The following SLCO3A1 variants were observed in gnomAD, a reference collection of about 807,000 sequenced individuals.
SLCO3A1 encodes the protein PGE1 transporter.
SLCO3A1 carries 27 observed loss-of-function variants against 63.1 expected under a neutral mutation model. The observed-to-expected ratio is 0.43, with a 90% confidence interval of 0.32 to 0.59. The LOEUF (loss-of-function observed/expected upper bound fraction) is 0.59, where lower values mean the gene tolerates loss of function less well. SLCO3A1 is among the 20% of genes least tolerant of loss of function. SLCO3A1 has a pLI of 0.09. For synonymous variants in SLCO3A1, 473 were observed against 409.9 expected (o/e 1.15, Z -1.86); for missense variants, 773 against 945.8 (o/e 0.82, Z 2.40).
intron 2 of SLCO3A1, among the ~76,000 whole-genome samples, chr15:92,040,741 A>G (rs2046787334): frequency 6.6e-6 from 1 of 152,138 alleles, no homozygotes; most frequent in Non-Finnish European, 1.5e-5. Flanking sequence ...GGGTCAGGTG[A>G]GGTGGTTCTG....
chr15:92,171,783 C>A, exon 11 of SLCO3A1: 1 of 1,550,396 alleles, frequency 6.4e-7, no homozygotes, highest in East Asian at 2.4e-5. Flanking sequence ...CCTTTAGGCA[C>A]AGAGTACCAA....
chr15:92,162,572 T>G, intron 9 of SLCO3A1, 184 bp from the exon 10 acceptor site: 1 of 944,498 alleles, frequency 1.1e-6, no homozygotes, highest in Non-Finnish European at 1.5e-6. Flanking sequence ...TGCTCAGATT[T>G]GTACCATAAT....
At chr15:92,136,658 T>G (rs527650762) in intron 7 of SLCO3A1, among the ~76,000 whole-genome samples, 1 of 152,366 alleles carries the variant, frequency 6.6e-6, no homozygotes, top group African/African-American at 2.4e-5. Context: ...TTTTCCATTT[T>G]GAATACATTT....
intron 2 of SLCO3A1, among the ~76,000 whole-genome samples, chr15:92,052,989 C>T (rs903980301): frequency 1.3e-5 from 2 of 152,072 alleles, no homozygotes; most frequent in African/African-American, 4.8e-5. Flanking sequence ...CTGGACAGTG[C>T]GGCTCTAGAA....
chr15:92,070,188 T>G (rs1291605880), intron 2 of SLCO3A1, among the ~76,000 whole-genome samples: 2 of 152,198 alleles, frequency 1.3e-5, no homozygotes. Context: ...GCTTTCAAAA[T>G]GGGTTTGATG....
rs116336066 is a variant in SLCO3A1 at position 91,997,902 on chromosome 15, G to A, written c.646+81444G>A. ...TTAAATGTAGGAGCTCAAACTATAA[G>A]AATCCTAGGGAAAGAAACCTAGGAA... is the stretch of plus-strand genomic sequence containing the variant. On this transcript the variant is annotated intron_variant, in intron 2 of 9. Coordinates refer to ENST00000318445, the MANE Select transcript of SLCO3A1 (RefSeq NM_013272.4). 5.3e-3 allele frequency among the ~76,000 whole-genome samples: 805 copies of A among 152,214 alleles called. 6 individuals carry two copies. The highest frequency in any genetic ancestry group is 0.018 in the African/African-American group (767 of 41,546).
chr15:91,986,967 G>A (rs1242404285), intron 2 of SLCO3A1, among the ~76,000 whole-genome samples: 1 of 152,150 alleles, frequency 6.6e-6, no homozygotes, highest in African/African-American at 2.4e-5. Context: ...GGTTGGTGGT[G>A]GCCATGGTCA....
chr15:92,093,487 T>C (rs1255303360), intron 2 of SLCO3A1, among the ~76,000 whole-genome samples: 2 of 152,324 alleles, frequency 1.3e-5, no homozygotes, highest in African/African-American at 4.8e-5. Context: ...TATTATGGAT[T>C]ACACTTCAAC....
At chr15:92,093,112 G>A (rs1295872290) in intron 2 of SLCO3A1, among the ~76,000 whole-genome samples, 4 of 152,220 alleles carry the variant, frequency 2.6e-5, no homozygotes, top group Non-Finnish European at 1.5e-5. Context: ...GTTCCCGTGT[G>A]TAAATGTGTG....
chr15:92,042,678 G>A (rs933930832), intron 2 of SLCO3A1, among the ~76,000 whole-genome samples: 2 of 152,150 alleles, frequency 1.3e-5, no homozygotes, highest in Admixed American at 1.3e-4. Context: ...CTCAAAGAGT[G>A]GGTAGGTGTT....
intron 2 of SLCO3A1, among the ~76,000 whole-genome samples, chr15:92,048,402 A>T (rs1312905613): frequency 1.3e-5 from 2 of 152,116 alleles, no homozygotes; most frequent in East Asian, 3.9e-4. Context: ...ACTGGGAAGG[A>T]GTCCCCAACC....
At position 91,883,237 on chromosome 15, in the gene SLCO3A1, C is replaced by G. The variant is rs1567170360; in HGVS notation, c.180+29149C>G. Among the ~76,000 whole-genome samples the G allele has an allele frequency of 6.6e-6, 1 of 152,278 alleles. No homozygotes were observed. Among genetic ancestry groups the G allele is most frequent in the Non-Finnish European group, 1.5e-5 (1 of 68,020 alleles). On this transcript the variant is annotated intron_variant, in intron 1 of 9. Transcript: ENST00000318445. The surrounding 1 kb of genome is among the most constrained non-coding windows in gnomAD (Gnocchi z 4.8). ...GTCTGGGTTTCACTTACATCAGGTG[C>G]CCAGGAGTCTTCCTGTGTGAAGTCA...
At chr15:92,022,641 C>A (rs1350999292) in intron 2 of SLCO3A1, among the ~76,000 whole-genome samples, 1 of 152,242 alleles carries the variant, frequency 6.6e-6, no homozygotes, top group Non-Finnish European at 1.5e-5. Context: ...TGAAACAGGT[C>A]TCTTGCCCTC....
rs1317292248 is a variant in SLCO3A1, at chr15:91,862,874, C to T, written c.180+8786C>T. On this transcript the variant is annotated intron_variant, in intron 1 of 9. Transcript: ENST00000318445. This position sits in a 1 kb window ranked among gnomAD's most constrained non-coding sequence, Gnocchi z 4.0. Reference sequence around the variant, plus strand: ...TACTGTAAAATATTAATGGGAATGGCTATTGTCTTTCACCCCCTTTGCAAG... The same window carrying T: ...TACTGTAAAATATTAATGGGAATGGTTATTGTCTTTCACCCCCTTTGCAAG... Among the ~76,000 whole-genome samples, 2 of 152,182 alleles carry T rather than the reference C, an allele frequency of 1.3e-5. No homozygotes were observed. Among genetic ancestry groups the T allele is most frequent in the African/African-American group, 4.8e-5 (2 of 41,440 alleles).
At position 91,856,104 on chromosome 15, in the gene SLCO3A1, T is replaced by C. The variant is rs1285505608; in HGVS notation, c.180+2016T>C. Among the ~76,000 whole-genome samples, 1 of 151,000 alleles carries C rather than the reference T, an allele frequency of 6.6e-6. No individual in the cohort carries two copies. Among genetic ancestry groups the C allele is most frequent in the Non-Finnish European group, 1.5e-5 (1 of 67,818 alleles). ...TGGAGGCAGGGCTGGCCCCAGGAGA[T>C]AGGAGGTTGACTTTAATCCCAGAAC... On this transcript the variant is annotated intron_variant, in intron 1 of 9. Transcript: ENST00000318445. The surrounding 1 kb of genome is among the most constrained non-coding windows in gnomAD (Gnocchi z 4.9).
intron 1 of SLCO3A1, among the ~76,000 whole-genome samples, chr15:91,901,285 A>G (rs1255609790): frequency 6.6e-6 from 1 of 152,264 alleles, no homozygotes; most frequent in African/African-American, 2.4e-5. Flanking sequence ...CCTCCTTTGT[A>G]GTTTTGTTGT....
At chr15:92,061,966 C>T (rs974941709) in intron 2 of SLCO3A1, among the ~76,000 whole-genome samples, 2 of 152,196 alleles carry the variant, frequency 1.3e-5, no homozygotes, top group Non-Finnish European at 2.9e-5. Flanking sequence ...CTGCCACCAT[C>T]CAGATGGCAT....
intron 2 of SLCO3A1, among the ~76,000 whole-genome samples, chr15:92,064,182 C>T (rs375702881): frequency 1.3e-5 from 2 of 152,206 alleles, no homozygotes; most frequent in Non-Finnish European, 2.9e-5. Flanking sequence ...AACTTGGCTT[C>T]GAGGTCCTCC....
intron 2 of SLCO3A1, among the ~76,000 whole-genome samples, chr15:92,070,146 C>G (rs955988974): frequency 6.6e-6 from 1 of 152,204 alleles, no homozygotes; most frequent in East Asian, 1.9e-4. Context: ...TAAGAAATCA[C>G]TCACGCTCTC....
Sources: gnomAD v4.1 joint callset for allele counts (sites outside exome capture counted in the v4.1 genomes callset) on GRCh38, gnomAD v4.1.1 for gene constraint, Gnocchi (gnomAD v3.1) non-coding constraint, MANE v1.5 for transcripts, NCBI Gene and HGNC (gene_info 2026-07-23, HGNC 2026-07-21) for gene names.